Variants in SPTBN2 observed in about 807,000 individuals in gnomAD.
SPTBN2 encodes the protein spectrin beta, non-erythrocytic 2.
Under a neutral mutation model 284.2 loss-of-function variants are expected in SPTBN2, and 107 were observed. The observed-to-expected ratio is 0.38, with a 90% CI of 0.32 to 0.44. The LOEUF (loss-of-function observed/expected upper bound fraction) is 0.44. SPTBN2 is among the 20% of genes least tolerant of loss of function. SPTBN2 has a pLI of 1.00. For missense variants in SPTBN2, 2,569 were observed against 3,287.1 expected (o/e 0.78, Z 5.34); for synonymous variants, 1,289 against 1,354.8 (o/e 0.95, Z 1.07).
chr11:66,721,273 A>G lies in SPTBN2; in HGVS notation c.-22-11T>C. On this transcript the variant is annotated splice_polypyrimidine_tract_variant and intron_variant, in intron 2 of 37. Transcript: ENST00000533211. ...GGCGGCTTCCTGCTCCTGCAAGGAG[A>G]ATGTGGCCAGTGAGGGGTGTCCAGG... 6.2e-7 allele frequency: 1 copy of G among 1,613,784 alleles called. No individual in the cohort carries two copies. Among genetic ancestry groups the G allele is most frequent in the Admixed American group, 1.7e-5 (1 of 60,008 alleles).
In SPTBN2 at chr11:66,716,057, G is replaced by C; in HGVS notation, c.158-76C>G. On this transcript the variant is annotated intron_variant, in intron 3 of 37. Transcript: ENST00000533211. ...CTTCTAAACACCAGTTGGCAGGGGT[G>C]GGGGATGGAGAAGCCTGAGAGATGG... is the stretch of plus-strand genomic sequence containing the variant. 3 of 1,599,444 alleles carry C rather than the reference G, an allele frequency of 1.9e-6. No homozygotes were observed. In the South Asian group the frequency reaches 3.3e-5, roughly 18 times the overall value.
intron 19 of SPTBN2, 28 bp downstream of exon 19, chr11:66,698,964 A>G (rs771118627): frequency 1.9e-6 from 3 of 1,612,808 alleles, no homozygotes; most frequent in Non-Finnish European, 2.5e-6. Flanking sequence ...ATGGCTAGGG[A>G]ATATCCCGGG....
In SPTBN2 at chr11:66,690,124, T is replaced by C. The variant is rs746318464; in HGVS notation, c.5725A>G (p.Lys1909Glu). 1.2e-6 allele frequency: 2 copies of C among 1,614,206 alleles called. No homozygotes were observed. Among genetic ancestry groups the C allele is most frequent in the Non-Finnish European group, 1.7e-6 (2 of 1,180,030 alleles). ...RRQLLLDTTDKFRFFKAVREL... is the reference protein window; with the variant it reads ...RRQLLLDTTDEFRFFKAVREL... ...CGGACAGCCTTGAAGAAGCGGAACTTGTCTGTGGTGTCCAGCAGCAGCTGC... is the reference window on the plus strand; with the variant it reads ...CGGACAGCCTTGAAGAAGCGGAACTCGTCTGTGGTGTCCAGCAGCAGCTGC... The change falls in exon 28 of 38, where the codon AAG becomes GAG. Residue 1909 changes from lysine (K) to glutamate (E), a missense_variant. This residue lies in a region of SPTBN2 where 1,130 missense variants were observed against 1,317.3 expected (regional missense o/e 0.86). Coordinates refer to ENST00000533211, the MANE Select transcript of SPTBN2 (RefSeq NM_006946.4).
Position 66,710,852 on chromosome 11 carries a change from TA to T in SPTBN2, c.885+64del, listed in dbSNP as rs1453673752. The T allele has an allele frequency of 3.7e-6, 6 of 1,600,352 alleles. No homozygotes were observed. Among genetic ancestry groups the T allele is most frequent in the Non-Finnish European group, 5.1e-6 (6 of 1,167,790 alleles). On this transcript the variant is annotated intron_variant, in intron 9 of 37. Coordinates refer to ENST00000533211, the MANE Select transcript of SPTBN2 (RefSeq NM_006946.4). This position sits in a 1 kb window ranked among gnomAD's most constrained non-coding sequence, Gnocchi z 4.9. ...CTGCAGCTCCACCCTGCCCTTGCAC[TA>T]GGGCAGTAAGACCCCTCAGCCGGGC...
chr11:66,696,663 G>A lies in SPTBN2; in HGVS notation c.4015-123C>T, dbSNP rs998578268. The stretch of plus-strand genomic sequence containing the variant: ...GTGTGGGCAATAATTCCAAGTCCTT[G>A]TGTGTTCTTATCGACACACTCTTCA... On this transcript the variant is annotated intron_variant, in intron 20 of 37. Transcript: ENST00000533211. 2.1e-5 allele frequency: 28 copies of A among 1,354,568 alleles called. No homozygotes were observed. In the African/African-American group the frequency reaches 3.7e-4, roughly 18 times the overall value. 83.9% of individuals were successfully genotyped at this position (1,354,568 alleles called of 1,614,324 possible).
rs1941656847 is a variant in SPTBN2 at position 66,708,001 on chromosome 11, G to A, written c.1350+140C>T. ...TCTCCTGTCCCACCCTCTGGCCCCT[G>A]GCTCCCGGACCTCTAGGCCTTTTTA... On this transcript the variant is annotated intron_variant, in intron 12 of 37. Transcript: ENST00000533211. This position sits in a 1 kb window ranked among gnomAD's most constrained non-coding sequence, Gnocchi z 4.4. 6.8e-7 allele frequency: 1 copy of A among 1,462,218 alleles called. No homozygotes were observed. Among genetic ancestry groups the A allele is most frequent in the Non-Finnish European group, 9.4e-7 (1 of 1,060,530 alleles). 90.6% of individuals were successfully genotyped at this position (1,462,218 alleles called of 1,614,324 possible). A position where few individuals can be genotyped will look rare whatever the true frequency, so the allele number is the denominator to read the frequency against.
intron 3 of SPTBN2, among the ~76,000 whole-genome samples, chr11:66,719,364 C>T (rs1022522739): frequency 2.0e-5 from 3 of 152,224 alleles, no homozygotes; most frequent in South Asian, 4.1e-4. Context: ...ATATACCAGG[C>T]GCCCTTCCTC....
chr11:66,734,903 T>TAAGCAG (rs1278375549), intron 1 of SPTBN2, among the ~76,000 whole-genome samples: 1 of 152,192 alleles, frequency 6.6e-6, no homozygotes, highest in Non-Finnish European at 1.5e-5. Flanking sequence ...CTCCATCACT[T>TAAGCAG]AAGCAGCAGC....
intron 1 of SPTBN2, among the ~76,000 whole-genome samples, chr11:66,741,377 T>C (rs1220674371): frequency 1.3e-5 from 2 of 152,224 alleles, no homozygotes; most frequent in Non-Finnish European, 2.9e-5. Context: ...TCTGCCATGA[T>C]TCTAAGTTTC....
At position 66,683,355 on chromosome 11, in the gene SPTBN2, C is replaced by T. The variant is rs1189784527; in HGVS notation, c.*2516G>A. ...TGCTGGGATTACAGGCGTGAGCCAC[C>T]GCGCCCGGCCCAAGTAATCCATTTT... On this transcript the variant is annotated 3_prime_UTR_variant, in exon 38 of 38. Coordinates refer to ENST00000533211, the MANE Select transcript of SPTBN2 (RefSeq NM_006946.4). Among the ~76,000 whole-genome samples, 3 of 152,178 alleles carry T rather than the reference C, an allele frequency of 2.0e-5. No individual in the cohort carries two copies. Among genetic ancestry groups the T allele is most frequent in the East Asian group, 1.9e-4 (1 of 5,190 alleles).
chr11:66,686,539 A>G (rs1270969862), intron 36 of SPTBN2, 99 bp from the exon 37 acceptor site: 16 of 1,345,820 alleles, frequency 1.2e-5, no homozygotes, highest in Non-Finnish European at 1.6e-5. Context: ...AGGCTGGGAC[A>G]TCTGGCTGCA....
In SPTBN2 at chr11:66,688,289, C is replaced by G. The variant is rs143781509; in HGVS notation, c.6254G>C (p.Arg2085Pro). The change falls in exon 32 of 38, where the codon CGA becomes CCA. Residue 2085 changes from arginine (R) to proline (P), a missense_variant. Arg to Pro is a moderately radical substitution (Grantham distance 103). This residue lies in a region of SPTBN2 where 1,130 missense variants were observed against 1,317.3 expected (regional missense o/e 0.86). Coordinates refer to ENST00000533211, the MANE Select transcript of SPTBN2 (RefSeq NM_006946.4). The stretch of plus-strand genomic sequence containing the variant: ...CTCCTCCTCCTCCCTCTTTCTCTTT[C>G]GCTCCTTCTCCCGCTCCTCTAGCTG... ...LTALEEREKE[R>P]KRKREEEERR... The G allele has an allele frequency of 6.2e-7, 1 of 1,605,342 alleles. No homozygotes were observed. The highest frequency in any genetic ancestry group is 8.5e-7 in the Non-Finnish European group (1 of 1,175,978).
At chr11:66,735,905 A>C (rs971066388) in intron 1 of SPTBN2, among the ~76,000 whole-genome samples, 1 of 152,174 alleles carries the variant, frequency 6.6e-6, no homozygotes. Context: ...TGAGTCTATG[A>C]CTTGAAATTG....
chr11:66,687,590 G>C lies in SPTBN2; in HGVS notation c.6559C>G (p.Arg2187Gly). The C allele has an allele frequency of 6.2e-7, 1 of 1,610,212 alleles. No individual in the cohort carries two copies. The highest frequency in any genetic ancestry group is 8.5e-7 in the Non-Finnish European group (1 of 1,179,190). The change falls in exon 35 of 38, where the codon CGG becomes GGG. Residue 2187 changes from arginine (R) to glycine (G), a missense_variant. Arg to Gly is a moderately radical substitution (Grantham distance 125). Transcript: ENST00000533211. This position sits in a 1 kb window ranked among gnomAD's most constrained non-coding sequence, Gnocchi z 5.2. ...GPRGERQTRTRGPAPSAMPQS... is the reference protein window; with the variant it reads ...GPRGERQTRTGGPAPSAMPQS... ...GGCATTGCAGATGGGGCCGGGCCCC[G>C]AGTCCGGGTCTGCCTCTCTCCCCGG...
intron 8 of SPTBN2, among the ~76,000 whole-genome samples, 158 bp from the exon 9 acceptor site, chr11:66,711,187 AC>A (rs1168130948): frequency 6.6e-6 from 1 of 152,152 alleles, no homozygotes; most frequent in Non-Finnish European, 1.5e-5. Context: ...TGAAAAGGGC[AC>A]CAAAAAGCTC....
chr11:66,699,325 G>A lies in SPTBN2; in HGVS notation c.3776+81C>T. ...CTCCTGCCCCATCTGTGGGTTTCCT[G>A]TGCCACGTTTATCTTTGAGGTCACC... On this transcript the variant is annotated intron_variant, in intron 18 of 37. Coordinates refer to ENST00000533211, the MANE Select transcript of SPTBN2 (RefSeq NM_006946.4). 5 of 1,554,686 alleles carry A rather than the reference G, an allele frequency of 3.2e-6. No individual in the cohort carries two copies. In the East Asian group the frequency reaches 6.7e-5, roughly 21 times the overall value.
chr11:66,698,067 T>C (rs1941028647), intron 20 of SPTBN2, among the ~76,000 whole-genome samples: 1 of 152,150 alleles, frequency 6.6e-6, no homozygotes, highest in Non-Finnish European at 1.5e-5. Context: ...TCCTTGACTC[T>C]TGAGGAACAG....
rs1940724126 is a variant in SPTBN2, at chr11:66,693,732, C to T, written c.4593+40G>A. 6.3e-7 allele frequency: 1 copy of T among 1,577,788 alleles called. No homozygotes were observed. Among genetic ancestry groups the T allele is most frequent in the African/African-American group, 1.3e-5 (1 of 74,284 alleles). The stretch of plus-strand genomic sequence containing the variant: ...AAAAACACGTCCAAGTCTGGGCAGG[C>T]TCCTGGGAACTTCTCTTTTGCCTTC... On this transcript the variant is annotated intron_variant, in intron 23 of 37. Coordinates refer to ENST00000533211, the MANE Select transcript of SPTBN2 (RefSeq NM_006946.4). The surrounding 1 kb of genome is among the most constrained non-coding windows in gnomAD (Gnocchi z 5.7).
chr11:66,711,875 ACTTGTCATT>A (rs1941881321), intron 8 of SPTBN2, among the ~76,000 whole-genome samples: 2 of 152,232 alleles, frequency 1.3e-5, no homozygotes, highest in African/African-American at 4.8e-5. Flanking sequence ...GCTCGCTGAC[ACTTGTCATT>A]CTGCAGTAAA....
Sources: gnomAD v4.1 joint callset for allele counts (sites outside exome capture counted in the v4.1 genomes callset) on GRCh38, gnomAD v4.1.1 for gene constraint, gnomAD v4.1.1 regional missense constraint, Gnocchi (gnomAD v3.1) non-coding constraint, MANE v1.5 for transcripts, NCBI Gene and HGNC (gene_info 2026-07-23, HGNC 2026-07-21) for gene names.